Variants in TMEM178B observed in about 807,000 individuals in gnomAD.
TMEM178B encodes the protein transmembrane protein 178B.
Under a neutral mutation model 31.0 loss-of-function variants are expected in TMEM178B, and 5 were observed. That is an observed-to-expected ratio of 0.16 (90% confidence interval 0.08 to 0.34). TMEM178B has a LOEUF of 0.34. Ranked by LOEUF, TMEM178B falls within the 10% of genes least tolerant of loss-of-function variation. The pLI is 1.00. For synonymous variants in TMEM178B, 164 were observed against 164.0 expected (o/e 1.00, Z 0.00); for missense variants, 275 against 400.3 (o/e 0.69, Z 2.67).
chr7:141,379,240 G>A (rs1055440429), intron 2 of TMEM178B, among the ~76,000 whole-genome samples: 2 of 151,760 alleles, frequency 1.3e-5, no homozygotes, highest in Non-Finnish European at 2.9e-5. Context: ...ATCAAGGTGG[G>A]AGAATCACTT....
intron 1 of TMEM178B, among the ~76,000 whole-genome samples, chr7:141,121,045 A>G (rs1795399576): frequency 6.6e-6 from 1 of 151,900 alleles, no homozygotes; most frequent in Admixed American, 6.6e-5. Context: ...ATGACTTTCT[A>G]GCATACTTGA....
chr7:141,488,155 T>A, the TMEM178B span, among the ~76,000 whole-genome samples: 237 of 152,028 alleles, frequency 1.6e-3, 3 homozygotes, highest in African/African-American at 5.3e-3. Flanking sequence ...CTTTAGAAGG[T>A]AAAATGATGC....
chr7:141,355,137 G>A (rs1240511661), intron 2 of TMEM178B, among the ~76,000 whole-genome samples: 2 of 152,180 alleles, frequency 1.3e-5, no homozygotes, highest in Non-Finnish European at 2.9e-5. Flanking sequence ...TGTCCCTTGG[G>A]AAAGCAGAGA....
downstream of TMEM178B, among the ~76,000 whole-genome samples, chr7:141,480,702 G>A (rs978199355): frequency 6.6e-6 from 1 of 152,168 alleles, no homozygotes; most frequent in Admixed American, 6.5e-5. Context: ...ATGAGATGCT[G>A]GAATGACTAA....
chr7:141,357,810 T>G (rs1024721890), intron 2 of TMEM178B, among the ~76,000 whole-genome samples: 2 of 152,244 alleles, frequency 1.3e-5, no homozygotes, highest in African/African-American at 2.4e-5. Context: ...AGCATTATTA[T>G]GAGTTTTCTT....
chr7:141,316,764 T>A (rs1799013446), intron 2 of TMEM178B, among the ~76,000 whole-genome samples: 1 of 152,372 alleles, frequency 6.6e-6, no homozygotes, highest in Admixed American at 6.5e-5. Flanking sequence ...TTCATCAAGA[T>A]GTTTTTCCTA....
intron 1 of TMEM178B, among the ~76,000 whole-genome samples, chr7:141,174,431 T>C (rs1038485449): frequency 1.3e-5 from 2 of 152,210 alleles, no homozygotes; most frequent in African/African-American, 4.8e-5. Flanking sequence ...TAAGTGCGCA[T>C]GTGTCTTTAT....
At chr7:141,219,114 C>T (rs916604901) in intron 2 of TMEM178B, among the ~76,000 whole-genome samples, 3 of 152,174 alleles carry the variant, frequency 2.0e-5, no homozygotes, top group South Asian at 2.1e-4. Context: ...GAGGATCACT[C>T]GACGTTTCCT....
the TMEM178B span, among the ~76,000 whole-genome samples, chr7:141,510,721 A>G: frequency 1.1e-4 from 16 of 149,758 alleles, 1 homozygote; most frequent in Non-Finnish European, 3.0e-5. Flanking sequence ...AAGAAAAAAA[A>G]AGAATGAGCT....
At chr7:141,308,904 C>T (rs1798862983) in intron 2 of TMEM178B, among the ~76,000 whole-genome samples, 1 of 152,072 alleles carries the variant, frequency 6.6e-6, no homozygotes, top group Non-Finnish European at 1.5e-5. Context: ...TACAGACTGA[C>T]CCAAAAACAC....
intron 1 of TMEM178B, among the ~76,000 whole-genome samples, chr7:141,157,321 C>T (rs1045634579): frequency 1.3e-5 from 2 of 152,098 alleles, no homozygotes; most frequent in African/African-American, 4.8e-5. Flanking sequence ...TTCCTCCTCT[C>T]ATGCTGGAGT....
rs1454153700 is a variant in TMEM178B at position 141,168,096 on chromosome 7, T to C, written c.383-44495T>C. Reference sequence around the variant, plus strand: ...TGATTTTCATGACATCCCTGCGAGATGGCCAGGGCAGAGACCGGGAATCTG... The same window carrying C: ...TGATTTTCATGACATCCCTGCGAGACGGCCAGGGCAGAGACCGGGAATCTG... On this transcript the variant is annotated intron_variant, in intron 1 of 3. Coordinates refer to ENST00000565468, the MANE Select transcript of TMEM178B (RefSeq NM_001195278.2). 2.0e-5 allele frequency among the ~76,000 whole-genome samples: 3 copies of C among 152,338 alleles called. No homozygotes were observed. In the East Asian group the frequency reaches 5.8e-4, roughly 29 times the overall value.
chr7:141,324,398 G>A (rs1799150688), intron 2 of TMEM178B, among the ~76,000 whole-genome samples: 1 of 139,104 alleles, frequency 7.2e-6, no homozygotes, highest in Admixed American at 7.6e-5. Flanking sequence ...GAGTGTGAGA[G>A]CAAGAGAGGA....
intron 2 of TMEM178B, among the ~76,000 whole-genome samples, chr7:141,292,796 C>T (rs748359558): frequency 2.0e-5 from 3 of 152,038 alleles, no homozygotes; most frequent in Non-Finnish European, 4.4e-5. Context: ...CACCACCATG[C>T]CCGGCTAATT....
At chr7:141,339,080 T>A (rs1216056009) in intron 2 of TMEM178B, among the ~76,000 whole-genome samples, 2 of 152,184 alleles carry the variant, frequency 1.3e-5, no homozygotes, top group African/African-American at 4.8e-5. Flanking sequence ...GGCCTTCACA[T>A]GTAGTGTGCA....
intron 2 of TMEM178B, among the ~76,000 whole-genome samples, chr7:141,386,514 G>C (rs1262222705): frequency 6.6e-6 from 1 of 152,002 alleles, no homozygotes; most frequent in East Asian, 1.9e-4. Flanking sequence ...CATATTTATG[G>C]GGTACAATTT....
At chr7:141,370,380 AC>A (rs1800094578) in intron 2 of TMEM178B, among the ~76,000 whole-genome samples, 1 of 152,216 alleles carries the variant, frequency 6.6e-6, no homozygotes. Context: ...TTCCAGATGA[AC>A]CACCCTGGAA....
chr7:141,493,449 C>A, the TMEM178B span, among the ~76,000 whole-genome samples: 2 of 152,008 alleles, frequency 1.3e-5, no homozygotes, highest in Non-Finnish European at 2.9e-5. Context: ...CCTCATCCTT[C>A]CCAAACTGTT....
intron 2 of TMEM178B, among the ~76,000 whole-genome samples, chr7:141,374,856 C>T (rs1800184564): frequency 6.6e-6 from 1 of 152,168 alleles, no homozygotes; most frequent in East Asian, 1.9e-4. Flanking sequence ...CCTAAGGCTC[C>T]ATGTGTGCCA....
Sources: allele counts gnomAD v4.1 joint callset (sites outside exome capture counted in the v4.1 genomes callset), GRCh38; gene constraint gnomAD v4.1.1; transcripts MANE v1.5; gene names NCBI Gene and HGNC (gene_info 2026-07-23, HGNC 2026-07-21).